NRXN3: variants seen among roughly 807,000 people sequenced by gnomAD.
NRXN3 encodes neurexin III.
NRXN3 carries 32 observed loss-of-function variants against 137.6 expected under a neutral mutation model. The observed-to-expected ratio is 0.23, with a 90% CI of 0.18 to 0.31. The LOEUF is 0.31. NRXN3 is among the 10% of genes least tolerant of loss of function. The probability of loss-of-function intolerance (pLI) is 1.00; values close to 1 mark genes in which losing one functional copy is unlikely to be tolerated. For missense variants in NRXN3, 1,574 were observed against 2,062.5 expected (o/e 0.76, Z 4.59); for synonymous variants, 798 against 784.5 (o/e 1.02, Z -0.29).
chr14:79,845,604 CAGAG>C (rs1245071165), intron 20 of NRXN3, among the ~76,000 whole-genome samples: 1 of 89,786 alleles, frequency 1.1e-5, no homozygotes, highest in African/African-American at 4.0e-5. Flanking sequence ...GAGAGAGAGA[CAGAG>C]AGAGAGACGG....
At chr14:78,717,563 G>C (rs901818579) in intron 8 of NRXN3, among the ~76,000 whole-genome samples, 4 of 150,786 alleles carry the variant, frequency 2.7e-5, no homozygotes, top group African/African-American at 9.9e-5. Flanking sequence ...AAAATTATAG[G>C]ACTCTTCTCT....
intron 15 of NRXN3, among the ~76,000 whole-genome samples, chr14:79,343,014 G>A (rs576414338): frequency 1.3e-5 from 2 of 152,248 alleles, no homozygotes; most frequent in South Asian, 2.1e-4. Context: ...ATAGGGGGTC[G>A]AGGTGAGGTT....
At chr14:79,160,201 G>C (rs2060627907) in intron 15 of NRXN3, among the ~76,000 whole-genome samples, 1 of 151,854 alleles carries the variant, frequency 6.6e-6, no homozygotes, top group South Asian at 2.1e-4. Context: ...TTGAAGCCCA[G>C]AACTTTAACA....
intron 4 of NRXN3, among the ~76,000 whole-genome samples, chr14:78,308,051 G>A (rs147810774): frequency 2.0e-5 from 3 of 152,042 alleles, no homozygotes; most frequent in Admixed American, 1.3e-4. Flanking sequence ...AACAACGATG[G>A]CAAGTATTGG....
At chr14:78,326,408 C>G (rs1463218616) in intron 4 of NRXN3, among the ~76,000 whole-genome samples, 1 of 152,160 alleles carries the variant, frequency 6.6e-6, no homozygotes, top group African/African-American at 2.4e-5. Flanking sequence ...AAAGAATGAG[C>G]TGAAACAAGG....
intron 15 of NRXN3, among the ~76,000 whole-genome samples, chr14:79,362,416 A>G (rs541169658): frequency 1.4e-3 from 212 of 151,748 alleles, no homozygotes; most frequent in Admixed American, 2.8e-3. Context: ...GCCTATTTGG[A>G]ACGGTACTGG....
intron 15 of NRXN3, among the ~76,000 whole-genome samples, chr14:79,131,647 C>T (rs10162291): frequency 0.099 from 15,124 of 152,208 alleles, 2,567 homozygotes; most frequent in African/African-American, 0.34. Context: ...CTGTGCCCTG[C>T]CCCCAGAGGT....
chr14:78,496,184 C>T (rs568287960), intron 4 of NRXN3, among the ~76,000 whole-genome samples: 19 of 152,284 alleles, frequency 1.2e-4, no homozygotes, highest in South Asian at 4.1e-4. Flanking sequence ...AATGCCAGAA[C>T]GCCAACCATC....
At chr14:79,528,018 G>A (rs2097137387) in intron 16 of NRXN3, among the ~76,000 whole-genome samples, 1 of 152,072 alleles carries the variant, frequency 6.6e-6, no homozygotes, top group African/African-American at 2.4e-5. Context: ...GTTAGCAATT[G>A]CTATAGTCTC....
intron 9 of NRXN3, among the ~76,000 whole-genome samples, chr14:78,809,556 C>T (rs909603956): frequency 6.6e-6 from 1 of 152,184 alleles, no homozygotes; most frequent in African/African-American, 2.4e-5. Flanking sequence ...ACACCCGACC[C>T]CACCTCTCTA....
intron 15 of NRXN3, among the ~76,000 whole-genome samples, chr14:79,429,951 T>C (rs2153549359): frequency 6.6e-6 from 1 of 152,232 alleles, no homozygotes; most frequent in East Asian, 1.9e-4. Context: ...TATAAGTTAT[T>C]CATTTCTGTA....
At chr14:78,606,978 T>C (rs1448268535) in intron 4 of NRXN3, among the ~76,000 whole-genome samples, 1 of 152,182 alleles carries the variant, frequency 6.6e-6, no homozygotes, top group Non-Finnish European at 1.5e-5. Flanking sequence ...GTAGTCTTCG[T>C]TTTCCTGTTC....
intron 15 of NRXN3, among the ~76,000 whole-genome samples, chr14:79,153,905 G>A (rs1490245686): frequency 6.6e-6 from 1 of 151,930 alleles, no homozygotes; most frequent in African/African-American, 2.4e-5. Flanking sequence ...GGAAGGAGTA[G>A]CATCCTCACA....
chr14:78,325,496 C>G (rs2079956018), intron 4 of NRXN3, among the ~76,000 whole-genome samples: 1 of 152,124 alleles, frequency 6.6e-6, no homozygotes. Context: ...ATGTGATACC[C>G]TAACACCATG....
chr14:79,063,528 C>G (rs551305133), intron 15 of NRXN3, among the ~76,000 whole-genome samples: 1 of 152,302 alleles, frequency 6.6e-6, no homozygotes, highest in South Asian at 2.1e-4. Context: ...AGGTGATGTA[C>G]CTGCCTTGGC....
chr14:79,729,589 T>C (rs1446647174), intron 19 of NRXN3, among the ~76,000 whole-genome samples: 2 of 152,190 alleles, frequency 1.3e-5, no homozygotes, highest in African/African-American at 4.8e-5. Flanking sequence ...GTGAAATCCT[T>C]TTTGCTTCTC....
chr14:78,349,631 T>A (rs1279396665), intron 4 of NRXN3, among the ~76,000 whole-genome samples: 2 of 152,210 alleles, frequency 1.3e-5, no homozygotes, highest in African/African-American at 4.8e-5. Flanking sequence ...CATGTCTTAG[T>A]ATTATTTCTC....
At chr14:78,729,110 A>G (rs1461086388) in intron 8 of NRXN3, among the ~76,000 whole-genome samples, 4 of 152,230 alleles carry the variant, frequency 2.6e-5, no homozygotes, top group African/African-American at 9.6e-5. Context: ...TGTTCAGTAC[A>G]TGGAGGAGTA....
intron 4 of NRXN3, among the ~76,000 whole-genome samples, chr14:78,630,536 T>G (rs570182730): frequency 6.6e-6 from 1 of 152,254 alleles, no homozygotes; most frequent in South Asian, 2.1e-4. Flanking sequence ...AAATGCACAG[T>G]GCATAAATTT....
Sources: allele counts gnomAD v4.1 joint callset (sites outside exome capture counted in the v4.1 genomes callset), GRCh38; gene constraint gnomAD v4.1.1; transcripts MANE v1.5; gene names NCBI Gene and HGNC (gene_info 2026-07-23, HGNC 2026-07-21).